The following ANKS1B variants were observed in gnomAD, a reference collection of about 807,000 sequenced individuals.
ANKS1B encodes ankyrin repeat and sterile alpha motif domain-containing protein 1B.
A neutral mutation model predicts 148.3 loss-of-function variants in ANKS1B; 36 were observed. That is an observed-to-expected ratio of 0.24 (90% confidence interval 0.19 to 0.32). The LOEUF (loss-of-function observed/expected upper bound fraction) is 0.32. ANKS1B is among the 10% of genes least tolerant of loss of function. The pLI, the probability that ANKS1B is intolerant of heterozygous loss-of-function variation, is 1.00. For synonymous variants in ANKS1B, 542 were observed against 560.8 expected (o/e 0.97, Z 0.47); for missense variants, 1,157 against 1,542.6 (o/e 0.75, Z 4.19).
intron 19 of ANKS1B, among the ~76,000 whole-genome samples, chr12:98,826,868 A>G (rs2099253060): frequency 1.3e-5 from 2 of 152,342 alleles, no homozygotes; most frequent in South Asian, 4.1e-4. Flanking sequence ...TCGATTGTCT[A>G]AACACATAAC....
chr12:99,644,933 T>C (rs2098345167), intron 9 of ANKS1B, among the ~76,000 whole-genome samples: 1 of 152,164 alleles, frequency 6.6e-6, no homozygotes, highest in Non-Finnish European at 1.5e-5. Flanking sequence ...ACATATCTTC[T>C]GACTCTGACC....
intron 17 of ANKS1B, among the ~76,000 whole-genome samples, chr12:99,005,589 A>G (rs1369079285): frequency 2.0e-5 from 3 of 152,124 alleles, no homozygotes; most frequent in Non-Finnish European, 4.4e-5. Context: ...CTCTTTTTAC[A>G]TGTCTCCTTT....
chr12:99,019,997 A>T (rs2099944814), intron 17 of ANKS1B, among the ~76,000 whole-genome samples: 4 of 152,168 alleles, frequency 2.6e-5, no homozygotes, highest in Admixed American at 1.3e-4. Context: ...TATTTTGCTG[A>T]TATAATCAAA....
intron 17 of ANKS1B, among the ~76,000 whole-genome samples, chr12:98,983,403 T>A (rs1478155147): frequency 6.6e-6 from 1 of 152,180 alleles, no homozygotes; most frequent in African/African-American, 2.4e-5. Context: ...TTGCATCAAA[T>A]TCCTCTCATG....
intron 2 of ANKS1B, among the ~76,000 whole-genome samples, chr12:99,813,152 C>T (rs925713839): frequency 1.3e-5 from 2 of 151,564 alleles, no homozygotes; most frequent in African/African-American, 4.8e-5. Context: ...TATATCCTAC[C>T]TCAAAAATTT....
At chr12:99,905,952 C>A (rs1040417300) in intron 1 of ANKS1B, among the ~76,000 whole-genome samples, 1 of 152,192 alleles carries the variant, frequency 6.6e-6, no homozygotes, top group Non-Finnish European at 1.5e-5. Flanking sequence ...TAGGTAACCA[C>A]TCTAACAGAG....
intron 2 of ANKS1B, among the ~76,000 whole-genome samples, chr12:99,812,546 CACACACACACACAG>C (rs764779509): frequency 6.2e-4 from 59 of 95,812 alleles, no homozygotes; most frequent in Non-Finnish European, 8.9e-4. Context: ...CACACACACA[CACACACACACACAG>C]AGAGAGAGAG....
intron 25 of ANKS1B, among the ~76,000 whole-genome samples, chr12:98,771,824 C>G (rs1313225421): frequency 2.6e-5 from 4 of 152,034 alleles, no homozygotes; most frequent in African/African-American, 9.7e-5. Context: ...TTGGAGTTCC[C>G]AATTACCACC....
At chr12:99,353,234 T>C (rs1398230499) in intron 12 of ANKS1B, among the ~76,000 whole-genome samples, 1 of 152,070 alleles carries the variant, frequency 6.6e-6, no homozygotes, top group Non-Finnish European at 1.5e-5. Flanking sequence ...CTGTGAGCTC[T>C]TGGATGAATC....
intron 8 of ANKS1B, among the ~76,000 whole-genome samples, chr12:99,760,743 T>C (rs2062012353): frequency 6.6e-6 from 1 of 150,508 alleles, no homozygotes; most frequent in Non-Finnish European, 1.5e-5. Context: ...TACAAAAAAA[T>C]CTATAAAACC....
intron 9 of ANKS1B, chr12:99,650,088 G>A (rs2098407970): frequency 6.6e-6 from 1 of 152,284 alleles, no homozygotes; most frequent in African/African-American, 2.4e-5. Context: ...TGACAGGAAG[G>A]GTAGCAATAA....
intron 19 of ANKS1B, among the ~76,000 whole-genome samples, chr12:98,813,328 C>A (rs961903290): frequency 6.6e-6 from 1 of 150,378 alleles, no homozygotes; most frequent in Non-Finnish European, 1.5e-5. Context: ...TCTCTCACCT[C>A]AGCCTCCCAA....
At chr12:99,741,244 C>CACACA (rs1344869197) in intron 8 of ANKS1B, among the ~76,000 whole-genome samples, 1 of 146,680 alleles carries the variant, frequency 6.8e-6, no homozygotes, top group Non-Finnish European at 1.5e-5. Flanking sequence ...CACACACACA[C>CACACA]ATCAGGAAAC....
rs192240858 is a variant in ANKS1B, at chr12:99,754,884, C to T, written c.1128+18038G>A. ...GGAAATTTATAGCACTAAATGCCCA[C>T]GTCAAAAAGTTAGAAAGAGCTCAAG... On this transcript the variant is annotated intron_variant, in intron 8 of 26. Coordinates refer to ENST00000683438, the MANE Select transcript of ANKS1B (RefSeq NM_001352186.2). 3.9e-5 allele frequency among the ~76,000 whole-genome samples: 6 copies of T among 152,170 alleles called. No homozygotes were observed. In the East Asian group the frequency reaches 5.8e-4, roughly 15 times the overall value.
intron 8 of ANKS1B, among the ~76,000 whole-genome samples, chr12:99,709,825 A>C (rs1035284404): frequency 1.3e-5 from 2 of 152,126 alleles, no homozygotes; most frequent in African/African-American, 4.8e-5. Context: ...TAGTGATGAC[A>C]TCACAATACA....
chr12:99,026,646 A>G (rs1359570759), intron 17 of ANKS1B, among the ~76,000 whole-genome samples: 1 of 152,128 alleles, frequency 6.6e-6, no homozygotes, highest in African/African-American at 2.4e-5. Context: ...TAGATTTTTC[A>G]GATGTTTTTA....
intron 1 of ANKS1B, among the ~76,000 whole-genome samples, chr12:99,920,853 C>A (rs1428185735): frequency 2.0e-5 from 3 of 152,144 alleles, no homozygotes; most frequent in African/African-American, 7.2e-5. Flanking sequence ...TGACACTCAC[C>A]CACATGGGTG....
chr12:99,551,529 A>AGAGGG (rs58248975), intron 9 of ANKS1B, among the ~76,000 whole-genome samples: 6 of 66,374 alleles, frequency 9.0e-5, no homozygotes, highest in East Asian at 5.8e-4. Flanking sequence ...AAAGGAGAGG[A>AGAGGG]GAGGGGAGGG....
chr12:99,071,636 ATCTC>A (rs1347259363), intron 16 of ANKS1B, among the ~76,000 whole-genome samples: 1 of 141,672 alleles, frequency 7.1e-6, no homozygotes, highest in Non-Finnish European at 1.5e-5. Context: ...TATTCATTTA[ATCTC>A]TCTCTTTTTT....
Sources: allele counts gnomAD v4.1 joint callset (sites outside exome capture counted in the v4.1 genomes callset), GRCh38; gene constraint gnomAD v4.1.1; transcripts MANE v1.5; gene names NCBI Gene and HGNC (gene_info 2026-07-23, HGNC 2026-07-21).